CDC45: variants seen among roughly 807,000 people sequenced by gnomAD.
CDC45 encodes cell division cycle 45.
In CDC45, 54 loss-of-function variants were observed where a neutral mutation model predicts 77.8. The ratio of observed to expected loss-of-function variants is 0.69; its 90% CI spans 0.56 to 0.87. The LOEUF is 0.87. Among genes scored for constraint, CDC45 ranks in the 40% least tolerant of loss-of-function variants. The pLI, the probability that CDC45 is intolerant of heterozygous loss-of-function variation, is 0.00. For missense variants in CDC45, 649 were observed against 721.6 expected (o/e 0.90, Z 1.15); for synonymous variants, 260 against 272.1 (o/e 0.96, Z 0.44).
intron 6 of CDC45, among the ~76,000 whole-genome samples, chr22:19,495,737 A>G (rs970982380): frequency 4.6e-5 from 7 of 152,098 alleles, no homozygotes; most frequent in African/African-American, 1.7e-4. Context: ...TAGGAGGATC[A>G]CTTGAGCCCA....
Position 19,516,894 on chromosome 22 carries a change from GTGAGA to G in CDC45, c.1636+2_1636+6del. 1 of 1,612,314 alleles carries G rather than the reference GTGAGA, an allele frequency of 6.2e-7. No homozygotes were observed. The highest frequency in any genetic ancestry group is 8.5e-7 in the Non-Finnish European group (1 of 1,178,510). ...CTGCACAACCATTTTGACCTCTCAG[GTGAGA>G]GTCTCCTGCCACTCTGCCACACTTT... On this transcript the variant is annotated splice_donor_variant and splice_donor_5th_base_variant and intron_variant, in intron 17 of 18. Transcript: ENST00000263201. LOFTEE classifies it high-confidence loss of function.
intron 5 of CDC45, among the ~76,000 whole-genome samples, chr22:19,491,821 C>A (rs1350889453): frequency 6.6e-6 from 1 of 151,652 alleles, no homozygotes; most frequent in Non-Finnish European, 1.5e-5. Flanking sequence ...CTTGAATCTG[C>A]AGGTTTATGT....
intron 3 of CDC45, 106 bp from the exon 4 acceptor site, chr22:19,482,584 A>G: frequency 4.0e-6 from 5 of 1,247,478 alleles, no homozygotes; most frequent in Non-Finnish European, 5.6e-6. Context: ...GCCTCGCCAC[A>G]TGTCAGGGAC....
chr22:19,496,011 T>G lies in CDC45; in HGVS notation c.573T>G (p.Tyr191Ter). The change falls in exon 7 of 19, where the codon TAT becomes TAG. Residue 191 changes from tyrosine to a stop codon, truncating the protein, a stop_gained. Coordinates refer to ENST00000263201, the MANE Select transcript of CDC45 (RefSeq NM_003504.5). LOFTEE classifies it high-confidence loss of function. ...ACATCCTCTTTGACTACGAGCAGTA[T>G]GAATATCATGGGACATCGGTAAGTA... The part of the protein sequence containing the change: ...RRDILFDYEQ[Y>*]EYHGTSSAMV... The G allele has an allele frequency of 1.2e-6, 2 of 1,610,576 alleles. No individual in the cohort carries two copies. Among genetic ancestry groups the G allele is most frequent in the South Asian group, 2.2e-5 (2 of 90,964 alleles).
intron 13 of CDC45, among the ~76,000 whole-genome samples, chr22:19,509,374 T>C (rs1568932776): frequency 1.3e-5 from 2 of 152,242 alleles, no homozygotes; most frequent in Non-Finnish European, 2.9e-5. Context: ...AGAGTTGGCG[T>C]CAGTTCAGTG....
chr22:19,491,561 T>C (rs1381184425), intron 5 of CDC45, among the ~76,000 whole-genome samples: 1 of 152,186 alleles, frequency 6.6e-6, no homozygotes, highest in South Asian at 2.1e-4. Flanking sequence ...TCATGAGAAA[T>C]CCTCTGTCAT....
intron 13 of CDC45, among the ~76,000 whole-genome samples, chr22:19,512,683 A>G (rs1041731719): frequency 6.6e-6 from 1 of 152,122 alleles, no homozygotes; most frequent in African/African-American, 2.4e-5. Flanking sequence ...CAGTTTTGCC[A>G]CTATTTTTAA....
intron 13 of CDC45, among the ~76,000 whole-genome samples, chr22:19,510,974 G>A (rs1053427182): frequency 1.3e-5 from 2 of 152,174 alleles, no homozygotes; most frequent in African/African-American, 4.8e-5. Flanking sequence ...AAGTTTTTGT[G>A]TAGTCATGTC....
At position 19,507,412 on chromosome 22, in the gene CDC45, G is replaced by A; in HGVS notation, c.851G>A (p.Trp284Ter). The A allele has an allele frequency of 1.2e-6, 2 of 1,614,098 alleles. No individual in the cohort carries two copies. The highest frequency in any genetic ancestry group is 1.7e-6 in the Non-Finnish European group (2 of 1,180,032). ...YDLRLVLYQH[W>*]SLHDSLCNTS... ...CTCCGCCTGGTGCTCTACCAGCACT[G>A]GTCCCTCCATGACAGCCTGTGCAAC... Residue 284 changes from tryptophan to a stop codon, truncating the protein, a stop_gained, in exon 11 of 19, where the codon TGG becomes TAG. Transcript: ENST00000263201. LOFTEE classifies it high-confidence loss of function.
intron 10 of CDC45, 132 bp downstream of exon 10, chr22:19,505,613 G>T (rs917509972): frequency 3.0e-6 from 3 of 989,602 alleles, no homozygotes; most frequent in African/African-American, 3.2e-5. Context: ...AGTTTTGGGG[G>T]AAGGGGCTGT....
At chr22:19,508,751 G>C (rs1454214802) in intron 13 of CDC45, 60 bp downstream of exon 13, 8 of 1,553,454 alleles carry the variant, frequency 5.1e-6, no homozygotes, top group Non-Finnish European at 7.0e-6. Context: ...CACTGCCCAG[G>C]GAGGTCAGTT....
At chr22:19,486,326 G>A (rs1439098452) in intron 5 of CDC45, among the ~76,000 whole-genome samples, 1 of 152,146 alleles carries the variant, frequency 6.6e-6, no homozygotes, top group African/African-American at 2.4e-5. Context: ...CCATATTCAG[G>A]TCTCTTTAAT....
At chr22:19,483,395 G>A (rs193003364) in intron 4 of CDC45, among the ~76,000 whole-genome samples, 2 of 152,234 alleles carry the variant, frequency 1.3e-5, no homozygotes, top group East Asian at 3.9e-4. Context: ...TCGTGCCACT[G>A]CACTCCAGCT....
chr22:19,505,737 T>TC (rs1429426145), intron 10 of CDC45, among the ~76,000 whole-genome samples: 3 of 152,200 alleles, frequency 2.0e-5, no homozygotes, highest in Non-Finnish European at 4.4e-5. Context: ...TGGGCCTGGC[T>TC]CTGGACATGG....
chr22:19,511,014 T>A (rs576356343), intron 13 of CDC45, among the ~76,000 whole-genome samples: 9 of 152,328 alleles, frequency 5.9e-5, no homozygotes, highest in Non-Finnish European at 1.3e-4. Context: ...TACCTACATG[T>A]GGAAATGCTG....
intron 8 of CDC45, among the ~76,000 whole-genome samples, chr22:19,498,330 A>G (rs1301978240): frequency 6.6e-6 from 1 of 152,244 alleles, no homozygotes; most frequent in East Asian, 1.9e-4. Flanking sequence ...TGCTGTCTGC[A>G]GAAAAGGAGG....
chr22:19,510,118 C>T (rs377422550), intron 13 of CDC45, among the ~76,000 whole-genome samples: 1 of 151,960 alleles, frequency 6.6e-6, no homozygotes, highest in African/African-American at 2.4e-5. Flanking sequence ...CATGCCACCA[C>T]GCCTTGCTAA....
In CDC45 at chr22:19,507,244, C is replaced by T. The variant is rs1490070377; in HGVS notation, c.825-142C>T. The T allele has an allele frequency of 6.2e-6, 6 of 963,220 alleles. No homozygotes were observed. The African/African-American group carries it at 8.1e-5, about 13-fold the overall frequency. The allele number at this position is 963,220 out of a possible 1,614,324, so 59.7% of individuals were successfully genotyped here. On this transcript the variant is annotated intron_variant, in intron 10 of 18. Transcript: ENST00000263201. ...CTTAAGCTAAGAAGGTCAAAGGGCT[C>T]CAGGTCACTCTTGGGATACCTGGTT...
intron 9 of CDC45, among the ~76,000 whole-genome samples, chr22:19,502,558 C>G (rs998745947): frequency 6.6e-6 from 1 of 152,156 alleles, no homozygotes; most frequent in Non-Finnish European, 1.5e-5. Flanking sequence ...AGCCATGAGA[C>G]AGCAGTACAA....
Sources: gnomAD v4.1 joint callset for allele counts (sites outside exome capture counted in the v4.1 genomes callset) on GRCh38, gnomAD v4.1.1 for gene constraint, MANE v1.5 for transcripts, NCBI Gene and HGNC (gene_info 2026-07-23, HGNC 2026-07-21) for gene names.